VLDLR: variants seen among roughly 807,000 people sequenced by gnomAD.
The protein encoded by VLDLR is very low density lipoprotein receptor.
Under a neutral mutation model 112.7 loss-of-function variants are expected in VLDLR, and 81 were observed. That is an observed-to-expected ratio of 0.72 (90% confidence interval 0.60 to 0.86). The LOEUF (loss-of-function observed/expected upper bound fraction) is 0.86, where lower values mean the gene tolerates loss of function less well. Ranked by LOEUF, VLDLR falls within the 40% of genes least tolerant of loss-of-function variation. The probability of loss-of-function intolerance (pLI) is 0.00; values close to 1 mark genes in which losing one functional copy is unlikely to be tolerated. For missense variants in VLDLR, 1,237 were observed against 1,099.4 expected (o/e 1.13, Z -1.77); for synonymous variants, 436 against 384.8 (o/e 1.13, Z -1.56).
chr9:2,646,187 A>G lies in VLDLR; in HGVS notation c.1485-147A>G. The G allele has an allele frequency of 6.6e-6, 5 of 755,708 alleles. No homozygotes were observed. The Admixed American group carries it at 1.0e-4, about 15-fold the overall frequency. The allele number at this position is 755,708 out of a possible 1,614,324, so 46.8% of individuals were successfully genotyped here. A position where few individuals can be genotyped will look rare whatever the true frequency, so the allele number is the denominator to read the frequency against. On this transcript the variant is annotated intron_variant, in intron 10 of 18. Transcript: ENST00000382100. ...TATTAATTTAGGATCAGTAAGCAGC[A>G]TGGTTAAATAATTTGAGTGGTGAGC...
In VLDLR at chr9:2,653,050, C is replaced by CCAAA. The variant is rs140112177; in HGVS notation, c.2586+104_2586+107dup. ...GAGAGCCATTAGGATGATGGAGTTA[C>CCAAA]CAAACACTTCATCTGCTACCTGGCT... On this transcript the variant is annotated intron_variant, in intron 18 of 18. Coordinates refer to ENST00000382100, the MANE Select transcript of VLDLR (RefSeq NM_003383.5). 2.6e-3 allele frequency: 3,747 copies of CCAAA among 1,445,318 alleles called. 34 individuals carry two copies. Among genetic ancestry groups the CCAAA allele is most frequent in the African/African-American group, 0.025 (1,764 of 71,516 alleles). 89.5% of individuals were successfully genotyped at this position (1,445,318 alleles called of 1,614,324 possible).
Position 2,641,318 on chromosome 9 carries a change from A to T in VLDLR, c.326-59A>T. The T allele has an allele frequency of 7.4e-6, 12 of 1,612,206 alleles. No homozygotes were observed. The South Asian group carries it at 1.3e-4, about 18-fold the overall frequency. ...TATTAGCGCTTCCAGGCAGCACAGG[A>T]GCAGCAGCTTTGCATTGATCAGTTC... is the stretch of plus-strand genomic sequence containing the variant. On this transcript the variant is annotated intron_variant, in intron 3 of 18. Transcript: ENST00000382100.
At chr9:2,650,135 A>C (rs1219987695) in intron 14 of VLDLR, among the ~76,000 whole-genome samples, 1 of 152,136 alleles carries the variant, frequency 6.6e-6, no homozygotes, top group Non-Finnish European at 1.5e-5. Flanking sequence ...TGTCTCTTAA[A>C]GGCATAACTT....
chr9:2,625,808 G>A (rs1182005269), intron 1 of VLDLR, among the ~76,000 whole-genome samples: 13 of 152,346 alleles, frequency 8.5e-5, no homozygotes. Flanking sequence ...TACTTGTTAA[G>A]CGGAAGTAAG....
intron 1 of VLDLR, among the ~76,000 whole-genome samples, chr9:2,631,842 C>T (rs1485571848): frequency 2.0e-5 from 3 of 151,940 alleles, no homozygotes; most frequent in Non-Finnish European, 2.9e-5. Context: ...TTACATGTAC[C>T]TCATAAATTT....
In VLDLR at chr9:2,645,591, A is replaced by G; in HGVS notation, c.1330A>G (p.Ile444Val). Residue 444 changes from isoleucine to valine, a missense_variant, in exon 10 of 19, where the codon ATC (isoleucine) becomes GTC (valine). Coordinates refer to ENST00000382100, the MANE Select transcript of VLDLR (RefSeq NM_003383.5). Reference protein sequence around the residue: ...CKAVGKEPSLIFTNRRDIRKI... With the variant: ...CKAVGKEPSLVFTNRRDIRKI... The stretch of plus-strand genomic sequence containing the variant: ...TCTTGCAGGCAAAGAGCCAAGTCTG[A>G]TCTTCACTAATCGAAGAGACATCAG... 4 of 1,614,250 alleles carry G rather than the reference A, an allele frequency of 2.5e-6. No homozygotes were observed. The highest frequency in any genetic ancestry group is 3.4e-6 in the Non-Finnish European group (4 of 1,180,044).
chr9:2,650,758 C>A (rs760145045), intron 15 of VLDLR, among the ~76,000 whole-genome samples: 2 of 152,132 alleles, frequency 1.3e-5, no homozygotes, highest in African/African-American at 2.4e-5. Context: ...TGTACCTAGT[C>A]CCTTAACAGC....
intron 12 of VLDLR, chr9:2,647,864 C>G (rs2130800559): frequency 1.7e-6 from 1 of 580,492 alleles, no homozygotes; most frequent in South Asian, 2.0e-5. Flanking sequence ...ACTAAATATT[C>G]TGGGCATGAG....
intron 1 of VLDLR, among the ~76,000 whole-genome samples, chr9:2,625,933 G>C (rs940860930): frequency 1.3e-5 from 2 of 152,122 alleles, no homozygotes; most frequent in Non-Finnish European, 2.9e-5. Context: ...GGCGAATCTG[G>C]CTTTTAAGTA....
At position 2,643,160 on chromosome 9, in the gene VLDLR, G is replaced by A. The variant is rs1374644460; in HGVS notation, c.449G>A (p.Gly150Asp). The change falls in exon 5 of 19, where the codon GGC becomes GAC. Residue 150 changes from glycine to aspartate, a missense_variant and splice_region_variant. Gly to Asp is a moderately conservative substitution (Grantham distance 94, BLOSUM62 -1). Transcript: ENST00000382100. ...CDSGEDEENC[G>D]NITCSPDEFT... ...AGTGGGGCATCCTCTCTCTTAATAGGCAATATAACATGTAGTCCCGACGAG... is the reference window on the plus strand; with the variant it reads ...AGTGGGGCATCCTCTCTCTTAATAGACAATATAACATGTAGTCCCGACGAG... The A allele has an allele frequency of 2.5e-6, 4 of 1,609,982 alleles. No individual in the cohort carries two copies. The highest frequency in any genetic ancestry group is 3.4e-6 in the Non-Finnish European group (4 of 1,179,994).
chr9:2,629,232 C>T (rs1639075753), intron 1 of VLDLR, among the ~76,000 whole-genome samples: 1 of 152,212 alleles, frequency 6.6e-6, no homozygotes, highest in Non-Finnish European at 1.5e-5. Flanking sequence ...CTTAGTTTAC[C>T]ACTCACAGAA....
intron 17 of VLDLR, among the ~76,000 whole-genome samples, chr9:2,652,347 A>C (rs1264681071): frequency 1.3e-5 from 2 of 152,232 alleles, no homozygotes; most frequent in Non-Finnish European, 2.9e-5. Context: ...GTTGAGGATA[A>C]ATTAAAAGCA....
Position 2,647,530 on chromosome 9 carries a change from A to G in VLDLR, c.1760A>G (p.Asn587Ser), listed in dbSNP as rs1818128209. 2 of 1,614,192 alleles carry G rather than the reference A, an allele frequency of 1.2e-6. No homozygotes were observed. The highest frequency in any genetic ancestry group is 1.7e-6 in the Non-Finnish European group (2 of 1,180,016). Residue 587 changes from asparagine to serine, a missense_variant, in exon 12 of 19, where the codon AAT (asparagine) becomes AGT (serine). Coordinates refer to ENST00000382100, the MANE Select transcript of VLDLR (RefSeq NM_003383.5). ...EPAKIEKAGM[N>S]GFDRRPLVTA... ...GCTAAAATAGAAAAAGCAGGAATGA[A>G]TGGATTCGATAGACGTCCACTGGTG...
intron 9 of VLDLR, 81 bp from the exon 10 acceptor site, chr9:2,645,493 C>A: frequency 6.6e-7 from 1 of 1,515,380 alleles, no homozygotes; most frequent in Non-Finnish European, 9.2e-7. Flanking sequence ...TTTCTAAGTG[C>A]TCCTCTGCTG....
At chr9:2,636,715 A>G (rs144258982) in intron 2 of VLDLR, among the ~76,000 whole-genome samples, 18 of 152,302 alleles carry the variant, frequency 1.2e-4, no homozygotes, top group South Asian at 4.1e-4. Context: ...TAAGATTTTA[A>G]TCTATTCCAC....
intron 10 of VLDLR, 118 bp downstream of exon 10, chr9:2,645,863 C>T: frequency 8.7e-7 from 1 of 1,150,868 alleles, no homozygotes; most frequent in South Asian, 1.3e-5. Context: ...ATCGAATTAC[C>T]TGGGGACATT....
At chr9:2,644,611 C>T (rs1817987967) in intron 7 of VLDLR, 123 bp from the exon 8 acceptor site, 2 of 1,255,792 alleles carry the variant, frequency 1.6e-6, no homozygotes, top group Non-Finnish European at 1.1e-6. Context: ...ATGATTAGGT[C>T]TTAGACAAAT....
At position 2,648,747 on chromosome 9, in the gene VLDLR, C is replaced by T. The variant is rs79720897; in HGVS notation, c.2041C>T (p.Leu681=). 12,752 of 1,614,162 alleles carry T rather than the reference C, an allele frequency of 7.9e-3. 98 individuals are homozygous for T. The highest frequency in any genetic ancestry group is 0.016 in the South Asian group (1,482 of 91,074). Residue 681 remains leucine, a synonymous_variant, in exon 14 of 19, where the codon CTA becomes TTA. Transcript: ENST00000382100. ...NKFTGSELAT[L]VNNLNDAQDI... is the part of the protein sequence containing the mutation. ...ATTCACTGGATCAGAGCTAGCCACT[C>T]TAGTCAACAACCTGAATGATGCCCA... is the stretch of plus-strand genomic sequence containing the variant.
intron 14 of VLDLR, 51 bp downstream of exon 14, chr9:2,648,861 G>T: frequency 6.2e-7 from 1 of 1,611,696 alleles, no homozygotes; most frequent in South Asian, 1.1e-5. Flanking sequence ...GAAGCAGCAT[G>T]ACACAGAACC....
Sources: allele counts gnomAD v4.1 joint callset (sites outside exome capture counted in the v4.1 genomes callset), GRCh38; gene constraint gnomAD v4.1.1; transcripts MANE v1.5; gene names NCBI Gene and HGNC (gene_info 2026-07-23, HGNC 2026-07-21).